The following LPAR1 variants were observed in gnomAD, a reference collection of about 807,000 sequenced individuals.
The protein encoded by LPAR1 is LPA receptor 1.
In LPAR1, 5 loss-of-function variants were observed where a neutral mutation model predicts 23.8. The observed-to-expected ratio is 0.21, with a 90% CI of 0.11 to 0.44. The LOEUF (loss-of-function observed/expected upper bound fraction) is 0.44. LPAR1 is among the 20% of genes least tolerant of loss of function. The probability of loss-of-function intolerance (pLI) is 0.99; values close to 1 mark genes in which losing one functional copy is unlikely to be tolerated. For missense variants in LPAR1, 311 were observed against 482.8 expected, an observed-to-expected ratio of 0.64 and a Z score of 3.33; for synonymous variants, 160 against 164.7, an observed-to-expected ratio of 0.97 and a Z score of 0.22.
chr9:110,882,427 G>T (rs2081137450), intron 5 of LPAR1, among the ~76,000 whole-genome samples: 1 of 152,296 alleles, frequency 6.6e-6, no homozygotes, highest in African/African-American at 2.4e-5. Flanking sequence ...TAAATTACGG[G>T]TGGAAAATAA....
At chr9:110,977,225 G>A (rs1018322594) in intron 2 of LPAR1, among the ~76,000 whole-genome samples, 10 of 152,164 alleles carry the variant, frequency 6.6e-5, no homozygotes, top group African/African-American at 1.9e-4. Context: ...AGCCCAGGAA[G>A]ACTTGGGGTA....
intron 5 of LPAR1, among the ~76,000 whole-genome samples, chr9:110,918,653 G>A (rs373515046): frequency 1.3e-5 from 2 of 152,132 alleles, no homozygotes; most frequent in South Asian, 4.1e-4. Context: ...GGAAGGGGAA[G>A]TGAAGGAACA....
chr9:110,945,971 C>T (rs993868661), intron 4 of LPAR1, among the ~76,000 whole-genome samples: 5 of 152,122 alleles, frequency 3.3e-5, no homozygotes, highest in African/African-American at 1.2e-4. Context: ...CTGAAAAGTC[C>T]CTTTCTCTAT....
intron 2 of LPAR1, among the ~76,000 whole-genome samples, chr9:110,994,881 C>T (rs1017518451): frequency 2.0e-5 from 3 of 152,126 alleles, no homozygotes; most frequent in Non-Finnish European, 4.4e-5. Context: ...CTAAGAGGCA[C>T]GTTGCCAAAA....
chr9:110,984,859 C>T (rs531063264), intron 2 of LPAR1, among the ~76,000 whole-genome samples: 3 of 150,794 alleles, frequency 2.0e-5, no homozygotes, highest in South Asian at 2.1e-4. Flanking sequence ...AAGATGAAAA[C>T]TCCAGAAAAT....
At position 110,941,517 on chromosome 9, in the gene LPAR1, G is replaced by T; in HGVS notation, c.697C>A (p.Arg233Ser). The T allele has an allele frequency of 6.2e-7, 1 of 1,614,022 alleles. No individual in the cohort carries two copies. The highest frequency in any genetic ancestry group is 8.5e-7 in the Non-Finnish European group (1 of 1,179,964). Residue 233 changes from arginine (R) to serine (S), a missense_variant, in exon 5 of 6, where the codon CGC becomes AGC. Arg to Ser is a moderately radical substitution (Grantham distance 110, BLOSUM62 -1). Transcript: ENST00000683809. The surrounding 1 kb of genome is among the most constrained non-coding windows in gnomAD (Gnocchi z 6.1). Reference protein sequence around the residue: ...VLYAHIFGYVRQRTMRMSRHS... With the variant: ...VLYAHIFGYVSQRTMRMSRHS... ...CGAGACATTCTCATAGTCCTCTGGC[G>T]AACATAGCCAAAGATGTGAGCATAG...
At chr9:111,009,998 A>AATATATATATATATATATATATATATAT (rs55696642) in intron 2 of LPAR1, among the ~76,000 whole-genome samples, 2 of 123,432 alleles carry the variant, frequency 1.6e-5, no homozygotes, top group African/African-American at 3.1e-5. Context: ...TAATTAGGAA[A>AATATATATATATATATATATATATATAT]ATATATATAT....
chr9:111,023,064 A>C (rs914635645), intron 2 of LPAR1, among the ~76,000 whole-genome samples: 1 of 151,220 alleles, frequency 6.6e-6, no homozygotes, highest in Non-Finnish European at 1.5e-5. Context: ...AAAAAAAAAA[A>C]AAAAAAAAAA....
intron 2 of LPAR1, among the ~76,000 whole-genome samples, chr9:111,031,587 C>T (rs541181306): frequency 4.4e-4 from 67 of 152,042 alleles, no homozygotes; most frequent in Non-Finnish European, 8.2e-4. Flanking sequence ...CTCCAAGACC[C>T]TATCTCAAAT....
chr9:110,989,662 G>GTA, intron 2 of LPAR1, among the ~76,000 whole-genome samples: 1 of 151,942 alleles, frequency 6.6e-6, no homozygotes, highest in Non-Finnish European at 1.5e-5. Context: ...AAATCATAAA[G>GTA]TATACCAAAT....
chr9:110,921,566 G>A (rs2093630501), intron 5 of LPAR1, among the ~76,000 whole-genome samples: 1 of 152,184 alleles, frequency 6.6e-6, no homozygotes, highest in South Asian at 2.1e-4. Context: ...GTTTCAGGAA[G>A]TTAAAGAGTA....
chr9:110,989,788 T>C (rs2096861676), intron 2 of LPAR1, among the ~76,000 whole-genome samples: 1 of 152,018 alleles, frequency 6.6e-6, no homozygotes, highest in African/African-American at 2.4e-5. Flanking sequence ...AACAACTCAA[T>C]TAAAAGGCAT....
chr9:111,037,022 G>A (rs1206957254), intron 1 of LPAR1, among the ~76,000 whole-genome samples: 1 of 152,112 alleles, frequency 6.6e-6, no homozygotes, highest in Non-Finnish European at 1.5e-5. Flanking sequence ...TATCCGGCAA[G>A]GGAATAACTT....
intron 2 of LPAR1, among the ~76,000 whole-genome samples, chr9:111,004,688 C>A (rs930537002): frequency 6.6e-6 from 1 of 152,120 alleles, no homozygotes; most frequent in African/African-American, 2.4e-5. Flanking sequence ...CCTCTGATGA[C>A]TAGGAAATGT....
chr9:110,947,723 C>G (rs1221034392), intron 4 of LPAR1, among the ~76,000 whole-genome samples: 1 of 152,230 alleles, frequency 6.6e-6, no homozygotes. Context: ...CACAGTACAT[C>G]TGATGTGTTC....
intron 2 of LPAR1, among the ~76,000 whole-genome samples, chr9:111,009,548 G>T (rs1164507186): frequency 6.6e-6 from 1 of 152,028 alleles, no homozygotes; most frequent in Non-Finnish European, 1.5e-5. Context: ...GGAAGAATTG[G>T]TAAAAATGAT....
chr9:110,876,552 G>C (rs1192135551), intron 5 of LPAR1, among the ~76,000 whole-genome samples: 1 of 152,176 alleles, frequency 6.6e-6, no homozygotes, highest in Admixed American at 6.5e-5. Context: ...TATATAACTG[G>C]CTCAAGGCCA....
At chr9:111,034,012 G>A (rs2097848878) in intron 2 of LPAR1, among the ~76,000 whole-genome samples, 1 of 152,170 alleles carries the variant, frequency 6.6e-6, no homozygotes, top group South Asian at 2.1e-4. Context: ...AACCTATAAA[G>A]CTCCTGAATA....
intron 5 of LPAR1, among the ~76,000 whole-genome samples, chr9:110,915,399 T>A (rs931262615): frequency 6.6e-6 from 1 of 151,758 alleles, no homozygotes; most frequent in African/African-American, 2.4e-5. Context: ...TAGCCAGGGG[T>A]GGTGGCATGT....
Sources: gnomAD v4.1 joint callset for allele counts (sites outside exome capture counted in the v4.1 genomes callset) on GRCh38, gnomAD v4.1.1 for gene constraint, Gnocchi (gnomAD v3.1) non-coding constraint, MANE v1.5 for transcripts, NCBI Gene and HGNC (gene_info 2026-07-23, HGNC 2026-07-21) for gene names.